Variants in TAF6L observed in about 807,000 individuals in gnomAD.
TAF6L encodes the protein TAF6-like RNA polymerase II p300/CBP-associated factor-associated factor 65 kDa subunit 6L.
TAF6L carries 34 observed loss-of-function variants against 57.3 expected under a neutral mutation model. The ratio of observed to expected loss-of-function variants is 0.59; its 90% CI spans 0.45 to 0.79. The LOEUF (loss-of-function observed/expected upper bound fraction) is 0.79. Among genes scored for constraint, TAF6L ranks in the 30% least tolerant of loss-of-function variants. TAF6L has a pLI of 0.00. For synonymous variants in TAF6L, 417 were observed against 376.3 expected, an observed-to-expected ratio of 1.11 and a Z score of -1.25; for missense variants, 782 against 853.2, an observed-to-expected ratio of 0.92 and a Z score of 1.04.
In TAF6L at chr11:62,781,947, CTTTG is replaced by C; in HGVS notation, c.589_592del (p.Val197MetfsTer6). ...CCAAGATTGGGGCACTCCTGCCTTA[CTTTG>C]TTTATGTGGTCAGTGGGGTAAGTGA... On this transcript the variant is annotated frameshift_variant, in exon 7 of 11. Coordinates refer to ENST00000294168, the MANE Select transcript of TAF6L (RefSeq NM_006473.4). LOFTEE classifies it high-confidence loss of function. The C allele has an allele frequency of 6.2e-7, 1 of 1,614,118 alleles. No individual in the cohort carries two copies.
chr11:62,781,273 A>G (rs1001428514), intron 6 of TAF6L, among the ~76,000 whole-genome samples: 7 of 152,012 alleles, frequency 4.6e-5, no homozygotes, highest in South Asian at 2.1e-4. Flanking sequence ...TGAAAAGTCT[A>G]TTCCTCCACC....
chr11:62,783,535 C>CT (rs1342686734), intron 9 of TAF6L, among the ~76,000 whole-genome samples: 1,930 of 133,872 alleles, frequency 0.014, 20 homozygotes, highest in Non-Finnish European at 0.018. Flanking sequence ...GAGGGAGGAT[C>CT]TTTTTTTTTT....
rs1554996873 is a variant in TAF6L, at chr11:62,779,952, C to CTACATATATATATATATA, written c.531+991_531+992insCATATATATATATATATA. ...AAGTGGTGGGATTACAGGCGTGAGC[C>CTACATATATATATATATA]TATATATATATATATATATATATAT... is the stretch of plus-strand genomic sequence containing the variant. On this transcript the variant is annotated intron_variant, in intron 6 of 10. Coordinates refer to ENST00000294168, the MANE Select transcript of TAF6L (RefSeq NM_006473.4). Among the ~76,000 whole-genome samples, 33 of 100,034 alleles carry CTACATATATATATATATA rather than the reference C, an allele frequency of 3.3e-4. 1 individual carries two copies. The highest frequency in any genetic ancestry group is 7.6e-4 in the African/African-American group (17 of 22,434). 65.6% of individuals were successfully genotyped at this position (100,034 alleles called of 152,430 possible).
At chr11:62,775,679 A>G in intron 1 of TAF6L, 92 bp from the exon 2 acceptor site, 1 of 1,407,048 alleles carries the variant, frequency 7.1e-7, no homozygotes. Context: ...CCAGAGCACG[A>G]GCAGCAAGGC....
Position 62,786,571 on chromosome 11 carries a change from G to T in TAF6L, c.1144G>T (p.Gly382Cys). The T allele has an allele frequency of 2.5e-6, 4 of 1,569,480 alleles. No homozygotes were observed. The highest frequency in any genetic ancestry group is 1.2e-5 in the South Asian group (1 of 83,016). The part of the protein sequence containing the change: ...MKAQAAEPNR[G>C]GPGGRGCRRL... Reference sequence around the variant, plus strand: ...GGCCCAGGCAGCAGAGCCCAACAGGGGTGGCCCAGGTGGCAGGGGGTGCCG... The same window carrying T: ...GGCCCAGGCAGCAGAGCCCAACAGGTGTGGCCCAGGTGGCAGGGGGTGCCG... The change falls in exon 11 of 11, where the codon GGT becomes TGT. Residue 382 changes from glycine (G) to cysteine (C), a missense_variant. Around this residue, in one of 3 missense-constraint regions of TAF6L, gnomAD observed 483 missense variants for 445.1 expected, o/e 1.09. Coordinates refer to ENST00000294168, the MANE Select transcript of TAF6L (RefSeq NM_006473.4).
Position 62,778,473 on chromosome 11 carries a change from C to T in TAF6L, c.436+138C>T, listed in dbSNP as rs2084203509. ...CCTTGTGCCATGGTCTGAGTGGGCG[C>T]TGGGCTCTGCATGGAGGGCTCAGAG... On this transcript the variant is annotated intron_variant, in intron 5 of 10. Coordinates refer to ENST00000294168, the MANE Select transcript of TAF6L (RefSeq NM_006473.4). 6 of 1,033,972 alleles carry T rather than the reference C, an allele frequency of 5.8e-6. No individual in the cohort carries two copies. In the East Asian group the frequency reaches 1.3e-4, roughly 22 times the overall value. The allele number at this position is 1,033,972 out of a possible 1,614,324, so 64.0% of individuals were successfully genotyped here. A position where few individuals can be genotyped will look rare whatever the true frequency, so the allele number is the denominator to read the frequency against.
rs2084261918 is a variant in TAF6L, at chr11:62,785,266, ACTGCAACCT to A, written c.961-989_961-981del. Among the ~76,000 whole-genome samples the A allele has an allele frequency of 5.3e-5, 8 of 150,696 alleles. No individual in the cohort carries two copies. In the South Asian group the frequency reaches 1.7e-3, roughly 32 times the overall value. Reference sequence around the variant, plus strand: ...GAGTGCAATGGCGCGACCTCGGCTCACTGCAACCTCTGCCTCCTGGGTTCAAGCGATTCT... The same window carrying A: ...GAGTGCAATGGCGCGACCTCGGCTCACTGCCTCCTGGGTTCAAGCGATTCT... On this transcript the variant is annotated intron_variant, in intron 9 of 10. Transcript: ENST00000294168.
chr11:62,784,717 G>C (rs2084257725), intron 9 of TAF6L, among the ~76,000 whole-genome samples: 1 of 152,150 alleles, frequency 6.6e-6, no homozygotes, highest in Non-Finnish European at 1.5e-5. Flanking sequence ...TGTTATTACA[G>C]ATTTCCTGAT....
intron 5 of TAF6L, 45 bp from the exon 6 acceptor site, chr11:62,778,824 G>A: frequency 6.5e-7 from 1 of 1,542,238 alleles, no homozygotes; most frequent in Non-Finnish European, 9.0e-7. Flanking sequence ...GCCAGGAGAG[G>A]GCCAGCTCTC....
At chr11:62,777,742 C>T (rs1042557500) in intron 3 of TAF6L, among the ~76,000 whole-genome samples, 2 of 152,166 alleles carry the variant, frequency 1.3e-5, no homozygotes, top group African/African-American at 4.8e-5. Context: ...GGGCTCAGGA[C>T]CCTTCCAGTT....
intron 9 of TAF6L, among the ~76,000 whole-genome samples, chr11:62,785,495 A>G (rs1181482122): frequency 7.7e-6 from 1 of 129,486 alleles, no homozygotes; most frequent in Admixed American, 7.9e-5. Flanking sequence ...CCCGGCTGGT[A>G]TTTTCCTTAT....
chr11:62,781,892 A>G lies in TAF6L; in HGVS notation c.532-2A>G. 1 of 1,614,072 alleles carries G rather than the reference A, an allele frequency of 6.2e-7. No homozygotes were observed. The highest frequency in any genetic ancestry group is 8.5e-7 in the Non-Finnish European group (1 of 1,179,972). On this transcript the variant is annotated splice_acceptor_variant, in intron 6 of 10. Transcript: ENST00000294168. LOFTEE classifies it high-confidence loss of function. ...CAATGCAGTCTGGGCCCTTCCTTTT[A>G]GGTTGCACTCCAGGACTTGCAGACG... is the stretch of plus-strand genomic sequence containing the variant.
In TAF6L at chr11:62,786,336, T is replaced by C; in HGVS notation, c.1037T>C (p.Val346Ala). ...CAGGCTGTGCTGGATGATTATTCAG[T>C]ATCTAATGCCCAGGTCAAAGCAGAT... ...NLQAVLDDYS[V>A]SNAQVKADGH... Residue 346 changes from valine to alanine, a missense_variant, in exon 10 of 11, where the codon GTA (valine) becomes GCA (alanine). Physicochemically the swap from Val to Ala is moderately conservative, Grantham distance 64. Transcript: ENST00000294168. 1 of 1,614,214 alleles carries C rather than the reference T, an allele frequency of 6.2e-7. No individual in the cohort carries two copies. Among genetic ancestry groups the C allele is most frequent in the South Asian group, 1.1e-5 (1 of 91,088 alleles).
chr11:62,773,241 G>A lies in TAF6L; in HGVS notation c.-14+1751G>A, dbSNP rs545741596. Among the ~76,000 whole-genome samples the A allele has an allele frequency of 5.9e-5, 9 of 151,726 alleles. No individual in the cohort carries two copies. The East Asian group carries it at 1.7e-3, about 29-fold the overall frequency. ...TGGCTCACTACAACCTCCACCTCCC[G>A]GGTTCAAGCAATTCTCCTGCCTCAG... On this transcript the variant is annotated intron_variant, in intron 1 of 10. Coordinates refer to ENST00000294168, the MANE Select transcript of TAF6L (RefSeq NM_006473.4).
At chr11:62,781,413 C>G (rs1323242550) in intron 6 of TAF6L, among the ~76,000 whole-genome samples, 1 of 152,060 alleles carries the variant, frequency 6.6e-6, no homozygotes, top group African/African-American at 2.4e-5. Flanking sequence ...GTGGCTCACG[C>G]CTGTAATCCC....
Position 62,787,134 on chromosome 11 carries a change from T to G in TAF6L, c.1707T>G (p.Ala569=). The change falls in exon 11 of 11, where the codon GCT becomes GCG. Residue 569 remains alanine, a synonymous_variant. Transcript: ENST00000294168. The part of the protein sequence containing the change: ...HFRFIIAGRQ[A]GRRCRGRLFQ... ...GTTTCATCATAGCCGGGCGGCAGGC[T>G]GGGAGGCGCTGCCGCGGGCGCCTTT... 6.4e-7 allele frequency: 1 copy of G among 1,563,876 alleles called. No homozygotes were observed. The highest frequency in any genetic ancestry group is 1.4e-5 in the African/African-American group (1 of 72,734).
rs1416575097 is a variant in TAF6L at position 62,786,595 on chromosome 11, C to A, written c.1168C>A (p.Arg390=). 1.9e-6 allele frequency: 3 copies of A among 1,579,902 alleles called. No individual in the cohort carries two copies. In the African/African-American group the frequency reaches 4.1e-5, roughly 21 times the overall value. ...NRGGPGGRGC[R]RLDDLPWDSL... ...GGGTGGCCCAGGTGGCAGGGGGTGC[C>A]GGCGCCTGGACGACCTGCCATGGGA... is the stretch of plus-strand genomic sequence containing the variant. The change falls in exon 11 of 11, where the codon CGG becomes AGG. Residue 390 remains arginine, a synonymous_variant. Coordinates refer to ENST00000294168, the MANE Select transcript of TAF6L (RefSeq NM_006473.4).
At position 62,781,471 on chromosome 11, in the gene TAF6L, C is replaced by T. The variant is rs201947505; in HGVS notation, c.532-423C>T. Among the ~76,000 whole-genome samples, 450 of 151,726 alleles carry T rather than the reference C, an allele frequency of 3.0e-3. 2 individuals are homozygous for T. The highest frequency in any genetic ancestry group is 0.01 in the African/African-American group (419 of 41,392). ...GGCAGATCACGAGGTCAGGAGATCG[C>T]GACCATCCTGGCTAACACGGTGAAA... On this transcript the variant is annotated intron_variant, in intron 6 of 10. Transcript: ENST00000294168.
In TAF6L at chr11:62,780,556, C is replaced by T. The variant is rs1452301504; in HGVS notation, c.532-1338C>T. 3.3e-5 allele frequency among the ~76,000 whole-genome samples: 5 copies of T among 151,292 alleles called. No homozygotes were observed. In the East Asian group the frequency reaches 7.8e-4, roughly 24 times the overall value. On this transcript the variant is annotated intron_variant, in intron 6 of 10. Transcript: ENST00000294168. ...CTGCACTCCAGCCTGGCTGATAGAACGAAACTCCGTCTCAAAGAAAAACGA... is the reference window on the plus strand; with the variant it reads ...CTGCACTCCAGCCTGGCTGATAGAATGAAACTCCGTCTCAAAGAAAAACGA...
Sources: allele counts gnomAD v4.1 joint callset (sites outside exome capture counted in the v4.1 genomes callset), GRCh38; gene constraint gnomAD v4.1.1; regional missense constraint gnomAD v4.1.1; transcripts MANE v1.5; gene names NCBI Gene and HGNC (gene_info 2026-07-23, HGNC 2026-07-21).